Variants in EMP2 observed in about 807,000 individuals in gnomAD.
EMP2 encodes epithelial membrane protein 2.
Under a neutral mutation model 13.7 loss-of-function variants are expected in EMP2, and 19 were observed. That is an observed-to-expected ratio of 1.38 (90% CI 0.97 to 2.03). The LOEUF (loss-of-function observed/expected upper bound fraction) is 2.03. Ranked by LOEUF, EMP2 falls within the 30% of genes most tolerant of loss-of-function variation. The probability of loss-of-function intolerance (pLI) is 0.00; values close to 1 mark genes in which losing one functional copy is unlikely to be tolerated. For missense variants in EMP2, 253 were observed against 220.7 expected (o/e 1.15, Z -0.93); for synonymous variants, 97 against 84.7 (o/e 1.15, Z -0.80).
intron 1 of EMP2, among the ~76,000 whole-genome samples, chr16:10,570,394 GTTTAT>G (rs1038850249): frequency 6.6e-6 from 1 of 151,756 alleles, no homozygotes; most frequent in Non-Finnish European, 1.5e-5. Flanking sequence ...CCCAGCTAAT[GTTTAT>G]TTTATTTTAT....
chr16:10,548,753 A>G (rs2050759429), intron 1 of EMP2, among the ~76,000 whole-genome samples: 1 of 152,224 alleles, frequency 6.6e-6, no homozygotes, highest in African/African-American at 2.4e-5. Context: ...CTCAGACACC[A>G]TTCTTCTTAA....
chr16:10,569,784 A>C lies in EMP2; in HGVS notation c.-61+10765T>G, dbSNP rs147666949. ...AAATGCCTGCGTGCATGCAGACCCC[A>C]CTCTGGGTGTGTCGATGATTAAGCC... On this transcript the variant is annotated intron_variant, in intron 1 of 4. Coordinates refer to ENST00000359543, the MANE Select transcript of EMP2 (RefSeq NM_001424.6). Among the ~76,000 whole-genome samples, 17 of 152,104 alleles carry C rather than the reference A, an allele frequency of 1.1e-4. No homozygotes were observed. In the East Asian group the frequency reaches 2.9e-3, roughly 26 times the overall value.
chr16:10,557,161 A>AGCCTG (rs1338187031), intron 1 of EMP2, among the ~76,000 whole-genome samples: 1 of 152,078 alleles, frequency 6.6e-6, no homozygotes, highest in Admixed American at 6.5e-5. Flanking sequence ...GTTCGAGACT[A>AGCCTG]GCCTGGCCAA....
intron 1 of EMP2, among the ~76,000 whole-genome samples, chr16:10,577,332 A>G (rs1596384621): frequency 6.6e-6 from 1 of 151,986 alleles, no homozygotes; most frequent in Admixed American, 6.6e-5. Flanking sequence ...CATCACCACC[A>G]CCAGCCTCTG....
intron 3 of EMP2, 57 bp downstream of exon 3, chr16:10,543,513 C>G (rs2050716698): frequency 6.3e-7 from 1 of 1,591,390 alleles, no homozygotes; most frequent in Non-Finnish European, 8.6e-7. Flanking sequence ...AGCCTCACTC[C>G]TGACCGTTCC....
Position 10,576,068 on chromosome 16 carries a change from C to G in EMP2, c.-61+4481G>C, listed in dbSNP as rs1301786407. Among the ~76,000 whole-genome samples, 4 of 152,078 alleles carry G rather than the reference C, an allele frequency of 2.6e-5. No individual in the cohort carries two copies. The East Asian group carries it at 5.8e-4, about 22-fold the overall frequency. On this transcript the variant is annotated intron_variant, in intron 1 of 4. Coordinates refer to ENST00000359543, the MANE Select transcript of EMP2 (RefSeq NM_001424.6). ...GACCACTGTGCTTATTAACTAAATT[C>G]TTTGAGTATCTTAAAATGTTTTAAA... is the stretch of plus-strand genomic sequence containing the variant.
intron 4 of EMP2, among the ~76,000 whole-genome samples, chr16:10,537,547 C>T (rs368211300): frequency 2.0e-5 from 3 of 152,184 alleles, no homozygotes; most frequent in East Asian, 1.9e-4. Flanking sequence ...GGCAGCTCTC[C>T]GTCCCTCCTG....
intron 3 of EMP2, among the ~76,000 whole-genome samples, chr16:10,542,766 TG>T (rs1461353320): frequency 6.6e-6 from 1 of 152,256 alleles, no homozygotes; most frequent in East Asian, 1.9e-4. Flanking sequence ...TTATTACTTC[TG>T]TTCTACAGCT....
At chr16:10,533,933 G>T (rs2142166575) in intron 4 of EMP2, among the ~76,000 whole-genome samples, 1 of 152,146 alleles carries the variant, frequency 6.6e-6, no homozygotes, top group South Asian at 2.1e-4. Flanking sequence ...GGCCAACATG[G>T]TGAAACCCCG....
chr16:10,550,337 A>G (rs2050777455), intron 1 of EMP2, among the ~76,000 whole-genome samples: 1 of 152,154 alleles, frequency 6.6e-6, no homozygotes, highest in African/African-American at 2.4e-5. Flanking sequence ...CCCAGGATCC[A>G]ATCCAAGCTG....
chr16:10,538,634 G>T (rs1248548005), intron 3 of EMP2, among the ~76,000 whole-genome samples: 1 of 152,142 alleles, frequency 6.6e-6, no homozygotes, highest in Non-Finnish European at 1.5e-5. Context: ...AGAGACTGGG[G>T]TATGAAGGTT....
chr16:10,579,497 C>T (rs2142218777), intron 1 of EMP2, among the ~76,000 whole-genome samples: 1 of 152,194 alleles, frequency 6.6e-6, no homozygotes, highest in Non-Finnish European at 1.5e-5. Context: ...CTTTTTCATC[C>T]TCCCCAAGAA....
chr16:10,562,370 CTCTCTCTCTCTATCTA>C (rs1293393471), intron 1 of EMP2, among the ~76,000 whole-genome samples: 3 of 149,314 alleles, frequency 2.0e-5, no homozygotes, highest in African/African-American at 7.5e-5. Flanking sequence ...CTCTCTCTCT[CTCTCTCTCTCTATCTA>C]TCTCTCTCTC....
intron 1 of EMP2, among the ~76,000 whole-genome samples, chr16:10,579,536 C>T (rs1021639213): frequency 6.6e-6 from 1 of 152,084 alleles, no homozygotes; most frequent in Non-Finnish European, 1.5e-5. Flanking sequence ...CAGTAACTCC[C>T]GGTTCCCAGG....
Position 10,543,591 on chromosome 16 carries a change from C to T in EMP2, c.148G>A (p.Val50Ile). 2 of 1,614,230 alleles carry T rather than the reference C, an allele frequency of 1.2e-6. No homozygotes were observed. Among genetic ancestry groups the T allele is most frequent in the Non-Finnish European group, 1.7e-6 (2 of 1,180,028 alleles). Residue 50 changes from valine (V) to isoleucine (I), a missense_variant, in exon 3 of 5, where the codon GTC becomes ATC. Transcript: ENST00000359543. ...RICTNNTNCT[V>I]INDSFQEYST... ...TTACCTTGAAAGCTGTCATTGATGA[C>T]TGTGCAATTCGTGTTGTTGGTACAT...
At chr16:10,535,854 G>C (rs1219841262) in intron 4 of EMP2, among the ~76,000 whole-genome samples, 2 of 152,196 alleles carry the variant, frequency 1.3e-5, no homozygotes, top group Non-Finnish European at 2.9e-5. Flanking sequence ...AGGGTCCTTG[G>C]GAAGAACGCA....
chr16:10,563,439 G>A (rs143957143), intron 1 of EMP2, among the ~76,000 whole-genome samples: 223 of 152,284 alleles, frequency 1.5e-3, no homozygotes, highest in African/African-American at 5.2e-3. Flanking sequence ...TGATCCACCT[G>A]CCTTGGTCTC....
At chr16:10,571,668 G>A (rs918301501) in intron 1 of EMP2, among the ~76,000 whole-genome samples, 3 of 152,250 alleles carry the variant, frequency 2.0e-5, no homozygotes, top group African/African-American at 4.8e-5. Flanking sequence ...GAAACGGACT[G>A]CAAGGCCATA....
At chr16:10,564,841 G>A (rs955586137) in intron 1 of EMP2, among the ~76,000 whole-genome samples, 16 of 152,170 alleles carry the variant, frequency 1.1e-4, no homozygotes, top group African/African-American at 3.1e-4. Context: ...CGCTTATGTC[G>A]ACATTTCCCC....
Sources: allele counts gnomAD v4.1 joint callset (sites outside exome capture counted in the v4.1 genomes callset), GRCh38; gene constraint gnomAD v4.1.1; transcripts MANE v1.5; gene names NCBI Gene and HGNC (gene_info 2026-07-23, HGNC 2026-07-21).